PEBP4: variants seen among roughly 807,000 people sequenced by gnomAD.
PEBP4 encodes the protein phosphatidylethanolamine-binding protein 4.
A neutral mutation model predicts 23.9 loss-of-function variants in PEBP4; 22 were observed. That is an observed-to-expected ratio of 0.92 (90% CI 0.66 to 1.31). The LOEUF (loss-of-function observed/expected upper bound fraction) is 1.31, where lower values mean the gene tolerates loss of function less well. Among genes scored for constraint, PEBP4 ranks in the 40% most tolerant of loss-of-function variants. PEBP4 has a pLI of 0.00. For synonymous variants in PEBP4, 112 were observed against 99.3 expected, an observed-to-expected ratio of 1.13 and a Z score of -0.76; for missense variants, 324 against 281.7, an observed-to-expected ratio of 1.15 and a Z score of -1.07.
chr8:22,826,081 G>T (rs998352298), intron 3 of PEBP4, among the ~76,000 whole-genome samples: 1 of 152,166 alleles, frequency 6.6e-6, no homozygotes, highest in Non-Finnish European at 1.5e-5. Context: ...TAGACTTTCA[G>T]TCATGAAGGA....
chr8:22,802,412 C>T (rs538209667), intron 4 of PEBP4, among the ~76,000 whole-genome samples: 2 of 152,350 alleles, frequency 1.3e-5, no homozygotes, highest in East Asian at 3.9e-4. Flanking sequence ...TGTCCTTCTC[C>T]AGTTTCTGCC....
At chr8:22,741,297 C>G (rs1804987790) in intron 4 of PEBP4, among the ~76,000 whole-genome samples, 1 of 152,188 alleles carries the variant, frequency 6.6e-6, no homozygotes, top group Non-Finnish European at 1.5e-5. Flanking sequence ...CCCTGCCTGC[C>G]TTCGTCAACC....
At chr8:22,820,487 G>A (rs1021920730) in intron 3 of PEBP4, among the ~76,000 whole-genome samples, 3 of 152,204 alleles carry the variant, frequency 2.0e-5, no homozygotes, top group Non-Finnish European at 4.4e-5. Flanking sequence ...GACCGGGAGA[G>A]GCAGGCACAC....
At chr8:22,733,475 G>A (rs1313277425) in intron 4 of PEBP4, among the ~76,000 whole-genome samples, 1 of 152,122 alleles carries the variant, frequency 6.6e-6, no homozygotes, top group Non-Finnish European at 1.5e-5. Context: ...GGTCTGGAGT[G>A]TGGGGAAGGG....
chr8:22,931,857 TCTC>T (rs199685765), upstream of PEBP4, among the ~76,000 whole-genome samples: 846 of 152,332 alleles, frequency 5.6e-3, 7 homozygotes, highest in African/African-American at 0.02. Context: ...CCTCGACCAC[TCTC>T]CTTTTTCCTT....
At chr8:22,844,899 C>G (rs1284370561) in intron 3 of PEBP4, among the ~76,000 whole-genome samples, 2 of 152,172 alleles carry the variant, frequency 1.3e-5, no homozygotes, top group Admixed American at 1.3e-4. Context: ...CAGTGTATGC[C>G]CTGGCACAAG....
At chr8:22,911,755 C>A (rs1808942610) in intron 3 of PEBP4, among the ~76,000 whole-genome samples, 1 of 152,224 alleles carries the variant, frequency 6.6e-6, no homozygotes, top group Non-Finnish European at 1.5e-5. Context: ...GAGCCCTACA[C>A]TGACGCTTGT....
intron 4 of PEBP4, among the ~76,000 whole-genome samples, chr8:22,792,831 G>A (rs1384639579): frequency 2.6e-5 from 4 of 151,906 alleles, no homozygotes; most frequent in African/African-American, 9.7e-5. Context: ...GGGGCATTGC[G>A]GTGGGTGGTA....
intron 3 of PEBP4, among the ~76,000 whole-genome samples, chr8:22,910,008 A>G (rs1289112648): frequency 2.6e-5 from 4 of 152,218 alleles, no homozygotes; most frequent in Non-Finnish European, 5.9e-5. Flanking sequence ...TGTACTTTAG[A>G]GCAAACTAAT....
At chr8:22,843,244 T>C (rs964715339) in intron 3 of PEBP4, among the ~76,000 whole-genome samples, 4 of 152,180 alleles carry the variant, frequency 2.6e-5, no homozygotes, top group African/African-American at 9.7e-5. Context: ...ATTACAGGTG[T>C]AAGCCACTGC....
chr8:22,799,366 T>C (rs1011698334), intron 4 of PEBP4, among the ~76,000 whole-genome samples: 1 of 152,184 alleles, frequency 6.6e-6, no homozygotes, highest in Admixed American at 6.5e-5. Context: ...CCAGCCTTAT[T>C]CTCAATTATG....
intron 3 of PEBP4, among the ~76,000 whole-genome samples, chr8:22,845,572 G>A (rs1807415438): frequency 1.3e-5 from 2 of 152,272 alleles, no homozygotes; most frequent in South Asian, 4.1e-4. Flanking sequence ...TTCTAGGGAA[G>A]CTTCAGAGCC....
intron 3 of PEBP4, among the ~76,000 whole-genome samples, chr8:22,866,665 A>T (rs144746114): frequency 6.6e-6 from 1 of 152,306 alleles, no homozygotes; most frequent in Non-Finnish European, 1.5e-5. Flanking sequence ...ATCACAAAAC[A>T]GTATGTACAG....
intron 4 of PEBP4, among the ~76,000 whole-genome samples, chr8:22,732,125 T>C (rs990198300): frequency 6.6e-6 from 1 of 151,548 alleles, no homozygotes; most frequent in Non-Finnish European, 1.5e-5. Context: ...ATTTGGGTAG[T>C]GTGCCTAGGA....
intron 3 of PEBP4, among the ~76,000 whole-genome samples, chr8:22,860,812 T>C (rs1807765679): frequency 6.6e-6 from 1 of 152,148 alleles, no homozygotes; most frequent in Non-Finnish European, 1.5e-5. Flanking sequence ...TCCTGCACGG[T>C]CCATCCAAGC....
chr8:22,810,028 A>G (rs575352493), intron 4 of PEBP4, among the ~76,000 whole-genome samples: 11 of 152,202 alleles, frequency 7.2e-5, no homozygotes, highest in African/African-American at 2.7e-4. Context: ...AAATTCTTAG[A>G]AAGTTCTTCC....
intron 5 of PEBP4, 76 bp downstream of exon 5, chr8:22,727,086 ACACGACAAAGCAG>A: frequency 7.0e-7 from 1 of 1,434,924 alleles, no homozygotes; most frequent in Non-Finnish European, 9.8e-7. Flanking sequence ...TGGTGCTAGC[ACACGACAAAGCAG>A]CACCATGAGG....
At chr8:22,741,935 G>A (rs927404517) in intron 4 of PEBP4, among the ~76,000 whole-genome samples, 2 of 152,188 alleles carry the variant, frequency 1.3e-5, no homozygotes, top group Non-Finnish European at 2.9e-5. Flanking sequence ...AGGGGACAGG[G>A]TCACAGCAGA....
rs554783088 is a variant in PEBP4, at chr8:22,859,227, G to A, written c.259-41492C>T. Among the ~76,000 whole-genome samples the A allele has an allele frequency of 1.2e-4, 18 of 152,258 alleles. No individual in the cohort carries two copies. In the South Asian group the frequency reaches 1.2e-3, roughly 11 times the overall value. Reference sequence around the variant, plus strand: ...ATCACATGGCCATCAGACTCCCCCCGTGGAGCCTGCACCCCAGGAGAAAGT... The same window carrying A: ...ATCACATGGCCATCAGACTCCCCCCATGGAGCCTGCACCCCAGGAGAAAGT... On this transcript the variant is annotated intron_variant, in intron 3 of 6. Transcript: ENST00000256404.
Sources: gnomAD v4.1 joint callset for allele counts (sites outside exome capture counted in the v4.1 genomes callset) on GRCh38, gnomAD v4.1.1 for gene constraint, MANE v1.5 for transcripts, NCBI Gene and HGNC (gene_info 2026-07-23, HGNC 2026-07-21) for gene names.